The following JAG1 variants were observed in gnomAD, a reference collection of about 807,000 sequenced individuals.
The protein encoded by JAG1 is protein jagged-1.
A neutral mutation model predicts 148.7 loss-of-function variants in JAG1; 23 were observed. That is an observed-to-expected ratio of 0.15 (90% CI 0.11 to 0.22). JAG1 has a LOEUF of 0.22. Ranked by LOEUF, JAG1 falls within the 10% of genes least tolerant of loss-of-function variation. The pLI is 1.00. For synonymous variants in JAG1, 572 were observed against 598.3 expected, an observed-to-expected ratio of 0.96 and a Z score of 0.64; for missense variants, 1,054 against 1,611.2, an observed-to-expected ratio of 0.65 and a Z score of 5.92.
intron 13 of JAG1, among the ~76,000 whole-genome samples, chr20:10,647,666 GTGT>G (rs1019856691): frequency 6.6e-6 from 1 of 152,228 alleles, no homozygotes; most frequent in African/African-American, 2.4e-5. Flanking sequence ...TCTGTTGACA[GTGT>G]TGTTCTCAGG....
chr20:10,673,363 G>T lies in JAG1; in HGVS notation c.81+87C>A. ...AGGAGTCGGGCGCTCGAGGGCTGCC[G>T]AGCCTGCTCGCGGGGCTCAACCGCC... is the stretch of plus-strand genomic sequence containing the variant. On this transcript the variant is annotated intron_variant, in intron 1 of 25. Coordinates refer to ENST00000254958, the MANE Select transcript of JAG1 (RefSeq NM_000214.3). The surrounding 1 kb of genome is among the most constrained non-coding windows in gnomAD (Gnocchi z 4.7). 1 of 1,031,920 alleles carries T rather than the reference G, an allele frequency of 9.7e-7. No homozygotes were observed. Among genetic ancestry groups the T allele is most frequent in the Non-Finnish European group, 1.4e-6 (1 of 728,138 alleles). 63.9% of individuals were successfully genotyped at this position (1,031,920 alleles called of 1,614,324 possible). A position where few individuals can be genotyped will look rare whatever the true frequency, so the allele number is the denominator to read the frequency against.
intron 11 of JAG1, 87 bp from the exon 12 acceptor site, chr20:10,648,809 T>C: frequency 7.4e-7 from 1 of 1,354,280 alleles, no homozygotes; most frequent in South Asian, 1.2e-5. Flanking sequence ...AGCATGACTG[T>C]TGCGGTTTAG....
chr20:10,660,441 C>T (rs1048682447), intron 3 of JAG1, among the ~76,000 whole-genome samples: 5 of 152,218 alleles, frequency 3.3e-5, no homozygotes, highest in African/African-American at 1.2e-4. Context: ...GCTATTACCA[C>T]GCGCTTACAA....
rs759287559 is a variant in JAG1 at position 10,648,728 on chromosome 20, AGAG to A, written c.1396-9_1396-7del. On this transcript the variant is annotated splice_polypyrimidine_tract_variant and splice_region_variant and intron_variant, in intron 11 of 25. Coordinates refer to ENST00000254958, the MANE Select transcript of JAG1 (RefSeq NM_000214.3). ...CGATAACCATTAACCAAATCCTAGA[AGAG>A]GAGAAGGGGAGAGAGAGACACATGC... 3.7e-6 allele frequency: 6 copies of A among 1,613,920 alleles called. No homozygotes were observed. Among genetic ancestry groups the A allele is most frequent in the East Asian group, 2.2e-5 (1 of 44,886 alleles).
In JAG1 at chr20:10,650,258, G is replaced by A. The variant is rs773039210; in HGVS notation, c.1223C>T (p.Thr408Met). Reference sequence around the variant, plus strand: ...AGGGATGTTCTTACCTAACTGGCACGTTTTCCCAGTCCACTGTGGGGGGCA... The same window carrying A: ...AGGGATGTTCTTACCTAACTGGCACATTTTCCCAGTCCACTGTGGGGGGCA... ...CVCPPQWTGK[T>M]CQLDANECEA... Residue 408 changes from threonine to methionine, a missense_variant, in exon 9 of 26, where the codon ACG (threonine) becomes ATG (methionine). Thr to Met is a moderately conservative substitution (Grantham distance 81). Transcript: ENST00000254958. The A allele has an allele frequency of 1.4e-5, 23 of 1,610,806 alleles. No homozygotes were observed. Among genetic ancestry groups the A allele is most frequent in the Admixed American group, 6.7e-5 (4 of 59,990 alleles).
rs1813072251 is a variant in JAG1, at chr20:10,673,634, C to T, written c.-104G>A. ...CGCTGCCCCTGCGGCCGCCGCGTCC[C>T]GGCTCTAATATACTCCGCCGATTGG... On this transcript the variant is annotated 5_prime_UTR_variant, in exon 1 of 26. Transcript: ENST00000254958. The surrounding 1 kb of genome is among the most constrained non-coding windows in gnomAD (Gnocchi z 4.7). The T allele has an allele frequency of 2.2e-6, 1 of 456,332 alleles. No individual in the cohort carries two copies. The highest frequency in any genetic ancestry group is 3.3e-6 in the Non-Finnish European group (1 of 301,380). 28.3% of individuals were successfully genotyped at this position (456,332 alleles called of 1,614,324 possible).
At chr20:10,644,630 C>T in intron 18 of JAG1, 2 of 640,642 alleles carry the variant, frequency 3.1e-6, no homozygotes, top group Admixed American at 2.3e-5. Context: ...AGGAGACAGG[C>T]TGCTGGTCAG....
Position 10,638,498 on chromosome 20 carries a change from CTCTTT to C in JAG1, c.*995_*999del, listed in dbSNP as rs1787737244. 1 of 152,616 alleles carries C rather than the reference CTCTTT, an allele frequency of 6.6e-6. No individual in the cohort carries two copies. Among genetic ancestry groups the C allele is most frequent in the Non-Finnish European group, 1.5e-5 (1 of 68,032 alleles). 9.5% of individuals were successfully genotyped at this position (152,616 alleles called of 1,614,324 possible). A position where few individuals can be genotyped will look rare whatever the true frequency, so the allele number is the denominator to read the frequency against. Reference sequence around the variant, plus strand: ...GCTCTGCAGCAGATCACCTGCCTGTCTCTTTTCAAGTCTAAAGCAGAAAAACAAAA... The same window carrying C: ...GCTCTGCAGCAGATCACCTGCCTGTCTCAAGTCTAAAGCAGAAAAACAAAA... On this transcript the variant is annotated 3_prime_UTR_variant, in exon 26 of 26. Coordinates refer to ENST00000254958, the MANE Select transcript of JAG1 (RefSeq NM_000214.3).
At chr20:10,646,915 C>A (rs2067313111) in intron 14 of JAG1, 24 bp downstream of exon 14, 1 of 1,612,538 alleles carries the variant, frequency 6.2e-7, no homozygotes, top group Non-Finnish European at 8.5e-7. Flanking sequence ...AGCACTGGTC[C>A]ATTCCCGGAT....
Position 10,641,472 on chromosome 20 carries a change from C to G in JAG1, c.2904G>C (p.Glu968Asp), listed in dbSNP as rs1378948623. 6.2e-7 allele frequency: 1 copy of G among 1,613,628 alleles called. No homozygotes were observed. The highest frequency in any genetic ancestry group is 1.3e-5 in the African/African-American group (1 of 75,028). Residue 968 changes from glutamate (E) to aspartate (D), a missense_variant, in exon 23 of 26, where the codon GAG becomes GAC. This residue lies in a region of JAG1 where 342 missense variants were observed against 514.6 expected (regional missense o/e 0.66). Coordinates refer to ENST00000254958, the MANE Select transcript of JAG1 (RefSeq NM_000214.3). ...GGTTGTTACATACTGGTGACATCATCTCCTTGTTAAAGGTAAATGTGATGT... is the reference window on the plus strand; with the variant it reads ...GGTTGTTACATACTGGTGACATCATGTCCTTGTTAAAGGTAAATGTGATGT... ...CANITFTFNK[E>D]MMSPGLTTEH... is the part of the protein sequence containing the mutation.
chr20:10,640,566 G>T (rs1000317264), intron 25 of JAG1, among the ~76,000 whole-genome samples: 1 of 152,220 alleles, frequency 6.6e-6, no homozygotes, highest in African/African-American at 2.4e-5. Flanking sequence ...TGCAGGGAAC[G>T]TTGCATAGTG....
intron 13 of JAG1, chr20:10,647,312 T>C (rs1028159611): frequency 1.6e-6 from 1 of 608,726 alleles, no homozygotes. Context: ...TTAAAGCATT[T>C]TCTCCCTCCA....
Position 10,650,267 on chromosome 20 carries a change from G to C in JAG1, c.1214C>G (p.Thr405Ser), listed in dbSNP as rs1237367300. The change falls in exon 9 of 26, where the codon ACT (threonine) becomes AGT (serine). Residue 405 changes from threonine to serine, a missense_variant. By Grantham distance (58) the Thr-to-Ser change is moderately conservative. Transcript: ENST00000254958. ...CTTACCTAACTGGCACGTTTTCCCA[G>C]TCCACTGTGGGGGGCACACACACTT... ...GFKCVCPPQW[T>S]GKTCQLDANE... The C allele has an allele frequency of 1.2e-6, 2 of 1,613,158 alleles. No individual in the cohort carries two copies. The highest frequency in any genetic ancestry group is 1.7e-5 in the Admixed American group (1 of 60,024).
At position 10,648,575 on chromosome 20, in the gene JAG1, T is replaced by C. The variant is rs1238376409; in HGVS notation, c.1543A>G (p.Thr515Ala). The C allele has an allele frequency of 6.2e-7, 1 of 1,613,712 alleles. No individual in the cohort carries two copies. Among genetic ancestry groups the C allele is most frequent in the African/African-American group, 1.3e-5 (1 of 74,888 alleles). Residue 515 changes from threonine to alanine, a missense_variant, in exon 12 of 26, where the codon ACT becomes GCT. Coordinates refer to ENST00000254958, the MANE Select transcript of JAG1 (RefSeq NM_000214.3). ...TGACAGAGGTTTCCAGAGAAACCAG[T>C]GGGACACAGACACTGGAATCTGTTG... is the stretch of plus-strand genomic sequence containing the variant. ...EINRFQCLCP[T>A]GFSGNLCQLD...
At chr20:10,658,350 A>G in intron 4 of JAG1, 118 bp downstream of exon 4, 1 of 1,360,620 alleles carries the variant, frequency 7.3e-7, no homozygotes, top group African/African-American at 1.4e-5. Context: ...CAGGCCCAGA[A>G]TAACAGCCAA....
At chr20:10,659,559 CTTTT>C (rs35826283) in intron 3 of JAG1, among the ~76,000 whole-genome samples, 10,642 of 105,058 alleles carry the variant, frequency 0.1, 1,042 homozygotes, top group South Asian at 0.17. Flanking sequence ...GATTAAGTTA[CTTTT>C]TTTTTTTTTT....
intron 4 of JAG1, among the ~76,000 whole-genome samples, chr20:10,657,521 G>A (rs62185093): frequency 0.037 from 5,564 of 152,144 alleles, 141 homozygotes; most frequent in Admixed American, 0.056. Context: ...GTACTACCCG[G>A]GAGAGCTGTA....
At chr20:10,650,942 C>CG (rs1355083179) in intron 8 of JAG1, 3 of 160,180 alleles carry the variant, frequency 1.9e-5, no homozygotes, top group African/African-American at 7.2e-5. Flanking sequence ...GCTGGAGTTC[C>CG]GCAAGTGACA....
chr20:10,640,858 G>A lies in JAG1; in HGVS notation c.3124C>T (p.Arg1042Cys), dbSNP rs778801776. 3.7e-6 allele frequency: 6 copies of A among 1,613,962 alleles called. No homozygotes were observed. Among genetic ancestry groups the A allele is most frequent in the African/African-American group, 1.3e-5 (1 of 74,900 alleles). ...GCAATCAGCGAGCTGTTTCCATCAC[G>A]TTTACTAACAAGATCGATTATTTTG... The part of the protein sequence containing the change: ...TDKIIDLVSK[R>C]DGNSSLIAAV... The change falls in exon 25 of 26, where the codon CGT becomes TGT. Residue 1042 changes from arginine to cysteine, a missense_variant. Physicochemically the swap from Arg to Cys is radical, Grantham distance 180. Coordinates refer to ENST00000254958, the MANE Select transcript of JAG1 (RefSeq NM_000214.3).
Sources: allele counts gnomAD v4.1 joint callset (sites outside exome capture counted in the v4.1 genomes callset), GRCh38; gene constraint gnomAD v4.1.1; regional missense constraint gnomAD v4.1.1; non-coding constraint Gnocchi (gnomAD v3.1); transcripts MANE v1.5; gene names NCBI Gene and HGNC (gene_info 2026-07-23, HGNC 2026-07-21).